PPP4R3B: variants seen among roughly 807,000 people sequenced by gnomAD.
The protein encoded by PPP4R3B is serine/threonine-protein phosphatase 4 regulatory subunit 3B.
A neutral mutation model predicts 95.4 loss-of-function variants in PPP4R3B; 52 were observed. That is an observed-to-expected ratio of 0.54 (90% CI 0.44 to 0.69). The LOEUF (loss-of-function observed/expected upper bound fraction) is 0.69, where lower values mean the gene tolerates loss of function less well. PPP4R3B is among the 30% of genes least tolerant of loss of function. The pLI is 0.00. For synonymous variants in PPP4R3B, 407 were observed against 343.9 expected (o/e 1.18, Z -2.03); for missense variants, 1,003 against 1,005.9 (o/e 1.00, Z 0.04).
Position 55,564,331 on chromosome 2 carries a change from A to T in PPP4R3B, c.2242T>A (p.Phe748Ile), listed in dbSNP as rs1687005675. The change falls in exon 15 of 17, where the codon TTT (phenylalanine) becomes ATT (isoleucine). Residue 748 changes from phenylalanine to isoleucine, a missense_variant. Coordinates refer to ENST00000616407, the MANE Select transcript of PPP4R3B (RefSeq NM_001122964.3). Reference protein sequence around the residue: ...EDDFPDNYEKFMETKKAKESE... With the variant: ...EDDFPDNYEKIMETKKAKESE... ...TTAATACCTTTTTTAGTCTCCATAA[A>T]CTTTTCATAATTATCTGGAAAATCA... 1 of 1,613,156 alleles carries T rather than the reference A, an allele frequency of 6.2e-7. No homozygotes were observed. The highest frequency in any genetic ancestry group is 8.5e-7 in the Non-Finnish European group (1 of 1,179,734).
At chr2:55,593,332 C>T (rs1691299169) in intron 4 of PPP4R3B, among the ~76,000 whole-genome samples, 2 of 152,142 alleles carry the variant, frequency 1.3e-5, no homozygotes, top group Non-Finnish European at 2.9e-5. Context: ...GAGCCACTGA[C>T]TATGCTAAGT....
At chr2:55,590,142 A>G (rs1377984832) in intron 4 of PPP4R3B, among the ~76,000 whole-genome samples, 1 of 150,828 alleles carries the variant, frequency 6.6e-6, no homozygotes, top group Non-Finnish European at 1.5e-5. Context: ...AGCTTGACCA[A>G]CATGGAGAAA....
At position 55,598,650 on chromosome 2, in the gene PPP4R3B, G is replaced by T. The variant is rs1489330321; in HGVS notation, c.687C>A (p.Asp229Glu). ...GTCTTTTTGGCTGAGCCAAAGCAGG[G>T]TCATATTCAAGGCATCCCACGACAT... ...IMDVVGCLEY[D>E]PALAQPKRHR... Residue 229 changes from aspartate to glutamate, a missense_variant, in exon 4 of 17, where the codon GAC becomes GAA. This residue lies in a region of PPP4R3B where 695 missense variants were observed against 686.2 expected (regional missense o/e 1.01). Coordinates refer to ENST00000616407, the MANE Select transcript of PPP4R3B (RefSeq NM_001122964.3). 5.0e-6 allele frequency: 8 copies of T among 1,614,012 alleles called. No homozygotes were observed. The highest frequency in any genetic ancestry group is 1.3e-5 in the African/African-American group (1 of 74,912).
At chr2:55,616,944 G>A (rs990190017) in intron 1 of PPP4R3B, among the ~76,000 whole-genome samples, 200 bp downstream of exon 1, 3 of 152,084 alleles carry the variant, frequency 2.0e-5, no homozygotes, top group Non-Finnish European at 4.4e-5. Flanking sequence ...AGAGAGATGG[G>A]AGAAGGACAG....
At chr2:55,560,860 A>AC (rs1439789476) in intron 15 of PPP4R3B, among the ~76,000 whole-genome samples, 4 of 151,814 alleles carry the variant, frequency 2.6e-5, no homozygotes, top group African/African-American at 9.7e-5. Context: ...GCATGAAGAA[A>AC]GAGATGGTCT....
intron 8 of PPP4R3B, 65 bp downstream of exon 8, chr2:55,581,502 T>C: frequency 6.7e-7 from 1 of 1,498,120 alleles, no homozygotes; most frequent in African/African-American, 1.4e-5. Flanking sequence ...TTTCTCAAAA[T>C]CTTATTACAA....
At position 55,617,287 on chromosome 2, in the gene PPP4R3B, G is replaced by A. The variant is rs552639856; in HGVS notation, c.-2C>T. On this transcript the variant is annotated 5_prime_UTR_variant, in exon 1 of 17. Transcript: ENST00000616407. ...CACTCGCCGCCGCGTATCCGACATG[G>A]TGGCTGCTGTCTCCACCGCTCTAGC... 1.8e-4 allele frequency: 279 copies of A among 1,592,150 alleles called. 2 individuals carry two copies. In the South Asian group the frequency reaches 2.9e-3, roughly 17 times the overall value.
In PPP4R3B at chr2:55,598,646, C is replaced by G; in HGVS notation, c.691G>C (p.Ala231Pro). Residue 231 changes from alanine (A) to proline (P), a missense_variant, in exon 4 of 17, where the codon GCT becomes CCT. By Grantham distance (27) the Ala-to-Pro change is conservative. Around this residue, in one of 3 missense-constraint regions of PPP4R3B, gnomAD observed 695 missense variants for 686.2 expected, o/e 1.01. Coordinates refer to ENST00000616407, the MANE Select transcript of PPP4R3B (RefSeq NM_001122964.3). ...CTATGTCTTTTTGGCTGAGCCAAAG[C>G]AGGGTCATATTCAAGGCATCCCACG... is the stretch of plus-strand genomic sequence containing the variant. Reference protein sequence around the residue: ...DVVGCLEYDPALAQPKRHREF... With the variant: ...DVVGCLEYDPPLAQPKRHREF... 1 of 1,614,146 alleles carries G rather than the reference C, an allele frequency of 6.2e-7. No individual in the cohort carries two copies. Among genetic ancestry groups the G allele is most frequent in the Non-Finnish European group, 8.5e-7 (1 of 1,180,032 alleles).
chr2:55,605,440 T>C (rs913574484), intron 2 of PPP4R3B, among the ~76,000 whole-genome samples: 1 of 152,146 alleles, frequency 6.6e-6, no homozygotes, highest in African/African-American at 2.4e-5. Context: ...AAACAGTAAA[T>C]GAAAAATATT....
chr2:55,574,462 A>G (rs928807309), intron 11 of PPP4R3B, among the ~76,000 whole-genome samples: 1 of 152,128 alleles, frequency 6.6e-6, no homozygotes, highest in Non-Finnish European at 1.5e-5. Flanking sequence ...TTGTTAAAAA[A>G]TACTTAAAAC....
At chr2:55,582,931 T>C (rs950630496) in intron 7 of PPP4R3B, among the ~76,000 whole-genome samples, 8 of 152,146 alleles carry the variant, frequency 5.3e-5, no homozygotes, top group African/African-American at 1.9e-4. Flanking sequence ...GTGCAATCTG[T>C]GGCATAAAAA....
intron 15 of PPP4R3B, among the ~76,000 whole-genome samples, chr2:55,561,314 A>T (rs748345897): frequency 6.6e-5 from 10 of 152,234 alleles, no homozygotes; most frequent in Non-Finnish European, 8.8e-5. Context: ...CTGGATATCT[A>T]GGCAGAAATC....
At chr2:55,609,497 C>T (rs1249269415) in intron 2 of PPP4R3B, among the ~76,000 whole-genome samples, 1 of 151,910 alleles carries the variant, frequency 6.6e-6, no homozygotes, top group African/African-American at 2.4e-5. Context: ...GCCTGAGCAA[C>T]ATGGCATAAT....
At chr2:55,609,099 GCT>G (rs1693815780) in intron 2 of PPP4R3B, among the ~76,000 whole-genome samples, 1 of 152,196 alleles carries the variant, frequency 6.6e-6, no homozygotes, top group Admixed American at 6.5e-5. Flanking sequence ...TCAGTCTTGA[GCT>G]CTGTTCTTTT....
chr2:55,576,546 C>T (rs1470051327), intron 11 of PPP4R3B, among the ~76,000 whole-genome samples: 1 of 151,780 alleles, frequency 6.6e-6, no homozygotes, highest in African/African-American at 2.4e-5. Context: ...ATCGAGACCA[C>T]CCTGGCTAAC....
intron 15 of PPP4R3B, among the ~76,000 whole-genome samples, chr2:55,561,060 G>A (rs1413312275): frequency 6.6e-6 from 1 of 152,130 alleles, no homozygotes; most frequent in Non-Finnish European, 1.5e-5. Context: ...AAATGGTTTT[G>A]TGAGCTGGGC....
intron 4 of PPP4R3B, among the ~76,000 whole-genome samples, chr2:55,589,415 C>G (rs1418606684): frequency 6.6e-6 from 1 of 152,140 alleles, no homozygotes; most frequent in East Asian, 1.9e-4. Context: ...GATAAAGTTA[C>G]AAAGCTATTT....
intron 2 of PPP4R3B, among the ~76,000 whole-genome samples, chr2:55,612,626 C>G (rs1050361414): frequency 6.6e-6 from 1 of 151,996 alleles, no homozygotes; most frequent in South Asian, 2.1e-4. Context: ...ATAACGAGAC[C>G]CCATCTTTAC....
At chr2:55,571,960 C>G (rs952954745) in intron 12 of PPP4R3B, among the ~76,000 whole-genome samples, 2 of 152,002 alleles carry the variant, frequency 1.3e-5, no homozygotes, top group Non-Finnish European at 2.9e-5. Context: ...AAATGACTGT[C>G]CAGAAATAAA....
Sources: gnomAD v4.1 joint callset for allele counts (sites outside exome capture counted in the v4.1 genomes callset) on GRCh38, gnomAD v4.1.1 for gene constraint, gnomAD v4.1.1 regional missense constraint, MANE v1.5 for transcripts, NCBI Gene and HGNC (gene_info 2026-07-23, HGNC 2026-07-21) for gene names.